The following AGO2 variants were observed in gnomAD, a reference collection of about 807,000 sequenced individuals.
The protein encoded by AGO2 is protein argonaute-2.
AGO2 carries 5 observed loss-of-function variants against 102.3 expected under a neutral mutation model. The observed-to-expected ratio is 0.05, with a 90% CI of 0.03 to 0.10. The LOEUF is 0.10. AGO2 is among the 10% of genes least tolerant of loss of function. AGO2 has a pLI of 1.00. For synonymous variants in AGO2, 449 were observed against 473.1 expected (o/e 0.95, Z 0.66); for missense variants, 541 against 1,183.7 (o/e 0.46, Z 7.97).
At chr8:140,604,123 C>T (rs974660934) in intron 1 of AGO2, among the ~76,000 whole-genome samples, 2 of 152,312 alleles carry the variant, frequency 1.3e-5, no homozygotes, top group Admixed American at 1.3e-4. Context: ...AGACACAGTA[C>T]GAAATGCTGC....
In AGO2 at chr8:140,598,536, C is replaced by G. The variant is rs116516174; in HGVS notation, c.23-13225G>C. 5.6e-3 allele frequency among the ~76,000 whole-genome samples: 852 copies of G among 152,312 alleles called. 4 individuals are homozygous for G. The highest frequency in any genetic ancestry group is 0.019 in the African/African-American group (806 of 41,572). ...CCCTGTGCGTACAAGCCCACGGTGC[C>G]GTAGGATCACCGGTCCACTCTGCGC... is the stretch of plus-strand genomic sequence containing the variant. On this transcript the variant is annotated intron_variant, in intron 1 of 18. Transcript: ENST00000220592.
chr8:140,611,326 C>CT (rs1483276540), intron 1 of AGO2, among the ~76,000 whole-genome samples: 20 of 130,948 alleles, frequency 1.5e-4, no homozygotes, highest in African/African-American at 3.1e-4. Context: ...ACTCTTAAGC[C>CT]TTTGTTTTTT....
chr8:140,586,832 C>T (rs1006979605), intron 1 of AGO2, among the ~76,000 whole-genome samples: 5 of 152,154 alleles, frequency 3.3e-5, no homozygotes, highest in African/African-American at 1.2e-4. Context: ...AGGACAGAGC[C>T]CGGGAATCTG....
rs1178802147 is a variant in AGO2 at position 140,523,501 on chromosome 8, GAT to G, written c.*8541_*8542del. On this transcript the variant is annotated 3_prime_UTR_variant, in exon 19 of 19. Transcript: ENST00000220592. ...GTGTACCAGAGGTAAGAAAAAGCTG[GAT>G]TTAGATACTACATTCTTTTCCTGTA... The G allele has an allele frequency of 1.3e-5, 2 of 152,122 alleles. No individual in the cohort carries two copies. Among genetic ancestry groups the G allele is most frequent in the African/African-American group, 4.8e-5 (2 of 41,426 alleles). 9.4% of individuals were successfully genotyped at this position (152,122 alleles called of 1,614,324 possible).
chr8:140,545,433 G>C (rs1023147619), intron 13 of AGO2, among the ~76,000 whole-genome samples: 10 of 152,108 alleles, frequency 6.6e-5, no homozygotes, highest in African/African-American at 2.2e-4. Flanking sequence ...CTCCGCTGCT[G>C]GTTCCTCCCT....
At chr8:140,587,133 C>T (rs901610339) in intron 1 of AGO2, among the ~76,000 whole-genome samples, 2 of 152,188 alleles carry the variant, frequency 1.3e-5, no homozygotes, top group Non-Finnish European at 2.9e-5. Context: ...CAGGCTGACC[C>T]TATTTCTCCT....
chr8:140,614,603 C>T (rs1268235305), intron 1 of AGO2, among the ~76,000 whole-genome samples: 1 of 152,234 alleles, frequency 6.6e-6, no homozygotes, highest in Non-Finnish European at 1.5e-5. Flanking sequence ...GCAGCCCACA[C>T]TCTACTAAGG....
intron 1 of AGO2, chr8:140,591,534 G>C (rs1442117106): frequency 1.3e-5 from 2 of 152,248 alleles, no homozygotes; most frequent in Non-Finnish European, 2.9e-5. Flanking sequence ...AGCGTGCACA[G>C]GAAGAGCATG....
intron 13 of AGO2, among the ~76,000 whole-genome samples, chr8:140,545,116 G>A (rs1399859026): frequency 2.0e-5 from 3 of 151,970 alleles, no homozygotes; most frequent in East Asian, 1.9e-4. Context: ...CCCTCTCCCC[G>A]CATCCATTTC....
At position 140,539,379 on chromosome 8, in the gene AGO2, A is replaced by G. The variant is rs2072753881; in HGVS notation, c.2110T>C (p.Phe704Leu). Residue 704 changes from phenylalanine to leucine, a missense_variant, in exon 16 of 19, where the codon TTC becomes CTC. Physicochemically the swap from Phe to Leu is conservative, Grantham distance 22 (BLOSUM62 0). Transcript: ENST00000220592. This position sits in a 1 kb window ranked among gnomAD's most constrained non-coding sequence, Gnocchi z 4.7. The stretch of plus-strand genomic sequence containing the variant: ...TGGTGCCTCTTCTGCACCACGATGA[A>G]GGTGATCCCGGGCTGGTAGTCTTTT... ...LEKDYQPGIT[F>L]IVVQKRHHTR... is the part of the protein sequence containing the mutation. 6.2e-7 allele frequency: 1 copy of G among 1,614,096 alleles called. No homozygotes were observed. Among genetic ancestry groups the G allele is most frequent in the South Asian group, 1.1e-5 (1 of 91,088 alleles).
rs73362364 is a variant in AGO2, at chr8:140,590,350, C to T, written c.23-5039G>A. On this transcript the variant is annotated intron_variant, in intron 1 of 18. Coordinates refer to ENST00000220592, the MANE Select transcript of AGO2 (RefSeq NM_012154.5). ...CAAGACGGGGAGGAAAAGGAACCCT[C>T]GCACTTTGGGGGTCCCAGGTCCCTG... Among the ~76,000 whole-genome samples, 522 of 152,336 alleles carry T rather than the reference C, an allele frequency of 3.4e-3. 4 individuals are homozygous for T. The highest frequency in any genetic ancestry group is 0.012 in the African/African-American group (488 of 41,568).
At chr8:140,571,294 C>G (rs914046185) in intron 3 of AGO2, among the ~76,000 whole-genome samples, 1 of 152,238 alleles carries the variant, frequency 6.6e-6, no homozygotes, top group Non-Finnish European at 1.5e-5. Flanking sequence ...AGGAGCATCA[C>G]TGGGCACTGA....
intron 1 of AGO2, among the ~76,000 whole-genome samples, chr8:140,610,808 T>C (rs567714785): frequency 2.6e-5 from 4 of 152,296 alleles, no homozygotes; most frequent in South Asian, 4.1e-4. Context: ...TCCAAAGACT[T>C]TGAAAAAAAC....
At position 140,535,456 on chromosome 8, in the gene AGO2, T is replaced by G. The variant is rs745654218; in HGVS notation, c.2271+12A>C. 6.2e-7 allele frequency: 1 copy of G among 1,613,834 alleles called. No individual in the cohort carries two copies. Among genetic ancestry groups the G allele is most frequent in the South Asian group, 1.1e-5 (1 of 91,086 alleles). ...GGCCAAGACTCTGTCCGAAGGGGACTCCCGGCCTTACCTGGATGCCAGCGT... is the reference window on the plus strand; with the variant it reads ...GGCCAAGACTCTGTCCGAAGGGGACGCCCGGCCTTACCTGGATGCCAGCGT... On this transcript the variant is annotated intron_variant, in intron 17 of 18. Transcript: ENST00000220592.
Position 140,567,962 on chromosome 8 carries a change from C to A in AGO2, c.336+4850G>T, listed in dbSNP as rs1226039846. 6.6e-6 allele frequency among the ~76,000 whole-genome samples: 1 copy of A among 151,942 alleles called. No individual in the cohort carries two copies. On this transcript the variant is annotated intron_variant, in intron 3 of 18. Coordinates refer to ENST00000220592, the MANE Select transcript of AGO2 (RefSeq NM_012154.5). This position sits in a 1 kb window ranked among gnomAD's most constrained non-coding sequence, Gnocchi z 5.0. ...GCAATGTGGCAAAACTCTGTCCCTA[C>A]AAAAAGAAAATTAGTGGCGGGGCAC...
chr8:140,612,095 C>A (rs1220831100), intron 1 of AGO2, among the ~76,000 whole-genome samples: 3 of 151,694 alleles, frequency 2.0e-5, no homozygotes, highest in African/African-American at 7.3e-5. Flanking sequence ...CAGTGGCGGG[C>A]GCCTGTCGTC....
Position 140,520,638 on chromosome 8 carries a change from A to G in AGO2, c.*11406T>C, listed in dbSNP as rs1359126408. On this transcript the variant is annotated 3_prime_UTR_variant, in exon 19 of 19. Coordinates refer to ENST00000220592, the MANE Select transcript of AGO2 (RefSeq NM_012154.5). ...CCAGAGGCTCGGGCTGCCTGATTTC[A>G]GCAACACATTTAGGATCATGCTACT... The G allele has an allele frequency of 3.9e-5, 6 of 152,090 alleles. No individual in the cohort carries two copies. The East Asian group carries it at 7.7e-4, about 19-fold the overall frequency. 9.4% of individuals were successfully genotyped at this position (152,090 alleles called of 1,614,324 possible). A position where few individuals can be genotyped will look rare whatever the true frequency, so the allele number is the denominator to read the frequency against.
At chr8:140,606,460 GTT>G (rs765290044) in intron 1 of AGO2, among the ~76,000 whole-genome samples, 7 of 152,166 alleles carry the variant, frequency 4.6e-5, no homozygotes, top group Non-Finnish European at 8.8e-5. Flanking sequence ...GATGTACTTT[GTT>G]TTGCTTAAAA....
At position 140,547,060 on chromosome 8, in the gene AGO2, A is replaced by G. The variant is rs529859633; in HGVS notation, c.1748+408T>C. Among the ~76,000 whole-genome samples, 5 of 152,248 alleles carry G rather than the reference A, an allele frequency of 3.3e-5. No individual in the cohort carries two copies. In the South Asian group the frequency reaches 1.0e-3, roughly 32 times the overall value. On this transcript the variant is annotated intron_variant, in intron 13 of 18. Transcript: ENST00000220592. ...GCTCCCATGAGGAGCTTTTCAGTCT[A>G]AAGTCCCAGCACGACGCAGCATCCA...
Sources: allele counts gnomAD v4.1 joint callset (sites outside exome capture counted in the v4.1 genomes callset), GRCh38; gene constraint gnomAD v4.1.1; non-coding constraint Gnocchi (gnomAD v3.1); transcripts MANE v1.5; gene names NCBI Gene and HGNC (gene_info 2026-07-23, HGNC 2026-07-21).